EPCAM: variants seen among roughly 807,000 people sequenced by gnomAD.
EPCAM encodes epithelial cell adhesion molecule, also known as adenocarcinoma-associated antigen.
In EPCAM, 39 loss-of-function variants were observed where a neutral mutation model predicts 40.0. The observed-to-expected ratio is 0.98, with a 90% CI of 0.76 to 1.27. EPCAM has a LOEUF of 1.27. EPCAM is among the 50% of genes most tolerant of loss of function. EPCAM has a pLI of 0.00. For missense variants in EPCAM, 503 were observed against 381.2 expected (o/e 1.32, Z -2.66); for synonymous variants, 168 against 132.3 (o/e 1.27, Z -1.85).
At chr2:47,384,003 G>A (rs565870193) in intron 7 of EPCAM, among the ~76,000 whole-genome samples, 1 of 151,350 alleles carries the variant, frequency 6.6e-6, no homozygotes, top group Non-Finnish European at 1.5e-5. Flanking sequence ...CTTTTCTGTT[G>A]TCCCATTGGA....
In EPCAM at chr2:47,379,050, A is replaced by T. The variant is rs754293486; in HGVS notation, c.653A>T (p.Lys218Ile). The change falls in exon 6 of 9, where the codon AAA becomes ATA. Residue 218 changes from lysine (K) to isoleucine (I), a missense_variant. Physicochemically the swap from Lys to Ile is moderately radical, Grantham distance 102. Transcript: ENST00000263735. ...DIADVAYYFEKDVKGESLFHS... is the reference protein window; with the variant it reads ...DIADVAYYFEIDVKGESLFHS... ...GCTGATGTGGCTTATTATTTTGAAA[A>T]AGATGTGAGTATCATCTTCTTTATT... The T allele has an allele frequency of 6.6e-7, 1 of 1,512,554 alleles. No individual in the cohort carries two copies. The highest frequency in any genetic ancestry group is 9.2e-7 in the Non-Finnish European group (1 of 1,087,608). 93.7% of individuals were successfully genotyped at this position (1,512,554 alleles called of 1,614,324 possible).
rs199875139 is a variant in EPCAM, at chr2:47,379,766, C to T, written c.658-3C>T. The T allele has an allele frequency of 6.2e-7, 1 of 1,612,206 alleles. No homozygotes were observed. ...TTAATTCCTTTTCTCCTTTTCAATA[C>T]AGGTTAAAGGTGAATCCTTGTTTCA... On this transcript the variant is annotated splice_polypyrimidine_tract_variant and splice_region_variant and intron_variant, in intron 6 of 8. Transcript: ENST00000263735.
chr2:47,373,774 A>T, intron 2 of EPCAM, 34 bp from the exon 3 acceptor site: 1 of 1,613,538 alleles, frequency 6.2e-7, no homozygotes, highest in Non-Finnish European at 8.5e-7. Flanking sequence ...GAAATCAGTT[A>T]TTTTTCAGTT....
intron 8 of EPCAM, 117 bp downstream of exon 8, chr2:47,385,327 C>A: frequency 1.2e-6 from 1 of 844,064 alleles, no homozygotes; most frequent in Non-Finnish European, 2.0e-6. Flanking sequence ...ATACTGTTGT[C>A]TTTAGGGTCT....
chr2:47,369,957 C>G (rs1671205562), intron 1 of EPCAM: 1 of 373,606 alleles, frequency 2.7e-6, no homozygotes, highest in Non-Finnish European at 5.2e-6. Flanking sequence ...CAAAACAGCC[C>G]CAGCCGGTGG....
Position 47,374,156 on chromosome 2 carries a change from T to C in EPCAM, c.425+108T>C, listed in dbSNP as rs976137559. 44 of 1,353,766 alleles carry C rather than the reference T, an allele frequency of 3.3e-5. No homozygotes were observed. In the African/African-American group the frequency reaches 4.3e-4, roughly 13 times the overall value. 83.9% of individuals were successfully genotyped at this position (1,353,766 alleles called of 1,614,324 possible). On this transcript the variant is annotated intron_variant, in intron 3 of 8. Transcript: ENST00000263735. ...TTCATGGTTTAGAATTCAGAAGATA[T>C]GAGTGTCCAGTGAAAAGCTTCCTTC... is the stretch of plus-strand genomic sequence containing the variant.
Position 47,373,698 on chromosome 2 carries a change from C to T in EPCAM, c.185-110C>T, listed in dbSNP as rs1671344416. 9 of 1,501,598 alleles carry T rather than the reference C, an allele frequency of 6.0e-6. No homozygotes were observed. The Admixed American group carries it at 1.1e-4, about 18-fold the overall frequency. The allele number at this position is 1,501,598 out of a possible 1,614,324, so 93.0% of individuals were successfully genotyped here. A position where few individuals can be genotyped will look rare whatever the true frequency, so the allele number is the denominator to read the frequency against. ...TCATGTTACAAAGTAAGTGTGGGAA[C>T]ACATAAATTTCAAATAATCTTTGAC... On this transcript the variant is annotated intron_variant, in intron 2 of 8. Coordinates refer to ENST00000263735, the MANE Select transcript of EPCAM (RefSeq NM_002354.3).
At chr2:47,376,254 C>CTTTT (rs57201109) in intron 4 of EPCAM, among the ~76,000 whole-genome samples, 1 of 128,326 alleles carries the variant, frequency 7.8e-6, no homozygotes, top group South Asian at 2.4e-4. Context: ...ATATTTCCTC[C>CTTTT]TTTTTTTTTT....
chr2:47,379,118 A>G, intron 6 of EPCAM, 64 bp downstream of exon 6: 1 of 904,328 alleles, frequency 1.1e-6, no homozygotes, highest in Non-Finnish European at 1.9e-6. Flanking sequence ...AATGAATTAA[A>G]TATATTTCAT....
intron 7 of EPCAM, 94 bp downstream of exon 7, chr2:47,380,063 C>T (rs1671548842): frequency 6.5e-7 from 1 of 1,541,142 alleles, no homozygotes; most frequent in Non-Finnish European, 8.8e-7. Flanking sequence ...CACCTGTTAT[C>T]CCTACACTTT....
chr2:47,384,239 G>A (rs1427600438), intron 7 of EPCAM, among the ~76,000 whole-genome samples: 1 of 151,714 alleles, frequency 6.6e-6, no homozygotes, highest in East Asian at 1.9e-4. Flanking sequence ...GAGTAGATGG[G>A]ATTACAGGCG....
At chr2:47,378,605 C>T (rs1290214965) in intron 5 of EPCAM, among the ~76,000 whole-genome samples, 3 of 152,088 alleles carry the variant, frequency 2.0e-5, no homozygotes, top group African/African-American at 7.2e-5. Context: ...CCCGGCCTTA[C>T]CTTTCATTTC....
At chr2:47,376,321 A>G (rs1671426489) in intron 4 of EPCAM, among the ~76,000 whole-genome samples, 2 of 150,160 alleles carry the variant, frequency 1.3e-5, no homozygotes, top group South Asian at 4.2e-4. Context: ...CAATGGTGCA[A>G]TCACGGCTCA....
chr2:47,380,063 C>A, intron 7 of EPCAM, 94 bp downstream of exon 7: 2 of 1,541,142 alleles, frequency 1.3e-6, no homozygotes, highest in Non-Finnish European at 1.8e-6. Context: ...CACCTGTTAT[C>A]CCTACACTTT....
At position 47,374,049 on chromosome 2, in the gene EPCAM, G is replaced by C. The variant is rs111813092; in HGVS notation, c.425+1G>C. On this transcript the variant is annotated splice_donor_variant, in intron 3 of 8. Coordinates refer to ENST00000263735, the MANE Select transcript of EPCAM (RefSeq NM_002354.3). LOFTEE classifies it high-confidence loss of function. ...CCTGCTCTGAGCGAGTGAGAACCTA[G>C]TGAGTGGGGCTGCCTATACTACTTG... The C allele has an allele frequency of 6.2e-7, 1 of 1,614,192 alleles. No individual in the cohort carries two copies. Among genetic ancestry groups the C allele is most frequent in the Admixed American group, 1.7e-5 (1 of 60,002 alleles).
rs1446494297 is a variant in EPCAM at position 47,379,034 on chromosome 2, G to A, written c.637G>A (p.Ala213Thr). 3 of 1,589,858 alleles carry A rather than the reference G, an allele frequency of 1.9e-6. No homozygotes were observed. The highest frequency in any genetic ancestry group is 1.7e-6 in the Non-Finnish European group (2 of 1,158,170). The part of the protein sequence containing the change: ...TQNDVDIADV[A>T]YYFEKDVKGE... ...GAATGATGTGGACATAGCTGATGTG[G>A]CTTATTATTTTGAAAAAGATGTGAG... The change falls in exon 6 of 9, where the codon GCT becomes ACT. Residue 213 changes from alanine (A) to threonine (T), a missense_variant. By Grantham distance (58) the Ala-to-Thr change is moderately conservative. Coordinates refer to ENST00000263735, the MANE Select transcript of EPCAM (RefSeq NM_002354.3).
At chr2:47,373,427 C>T (rs763697479) in intron 1 of EPCAM, 36 bp from the exon 2 acceptor site, 2 of 1,333,882 alleles carry the variant, frequency 1.5e-6, no homozygotes, top group Non-Finnish European at 2.1e-6. Context: ...TTAATAGATC[C>T]ACATTTTAAA....
At chr2:47,376,405 C>T (rs564816629) in intron 4 of EPCAM, among the ~76,000 whole-genome samples, 29 of 151,952 alleles carry the variant, frequency 1.9e-4, no homozygotes, top group African/African-American at 5.3e-4. Context: ...TACAGGCGTG[C>T]GCCACCATGC....
At position 47,386,421 on chromosome 2, in the gene EPCAM, T is replaced by G. The variant is rs1671743670; in HGVS notation, c.904-151T>G. The G allele has an allele frequency of 6.6e-6, 4 of 608,422 alleles. No homozygotes were observed. In the South Asian group the frequency reaches 8.1e-5, roughly 12 times the overall value. The allele number at this position is 608,422 out of a possible 1,614,324, so 37.7% of individuals were successfully genotyped here. A position where few individuals can be genotyped will look rare whatever the true frequency, so the allele number is the denominator to read the frequency against. The stretch of plus-strand genomic sequence containing the variant: ...AATGTGTGTTTCCTTGCAATATAAC[T>G]TTTTCTTTTTTTATTTAAATAAGTC... On this transcript the variant is annotated intron_variant, in intron 8 of 8. Coordinates refer to ENST00000263735, the MANE Select transcript of EPCAM (RefSeq NM_002354.3).
Sources: allele counts gnomAD v4.1 joint callset (sites outside exome capture counted in the v4.1 genomes callset), GRCh38; gene constraint gnomAD v4.1.1; transcripts MANE v1.5; gene names NCBI Gene and HGNC (gene_info 2026-07-23, HGNC 2026-07-21).